Variants in ROBO2 observed in about 807,000 individuals in gnomAD.
The protein encoded by ROBO2 is roundabout homolog 2.
A neutral mutation model predicts 160.8 loss-of-function variants in ROBO2; 53 were observed. The ratio of observed to expected loss-of-function variants is 0.33; its 90% CI spans 0.26 to 0.41. ROBO2 has a LOEUF of 0.41. ROBO2 is among the 10% of genes least tolerant of loss of function. ROBO2 has a pLI of 1.00. For missense variants in ROBO2, 1,577 were observed against 1,722.4 expected (o/e 0.92, Z 1.49); for synonymous variants, 664 against 611.7 (o/e 1.09, Z -1.26).
intron 2 of ROBO2, among the ~76,000 whole-genome samples, chr3:76,917,131 G>A (rs1197877332): frequency 2.0e-5 from 3 of 152,312 alleles, no homozygotes; most frequent in South Asian, 4.1e-4. Context: ...GTACCCGGAG[G>A]GGAGAATGCT....
intron 2 of ROBO2, among the ~76,000 whole-genome samples, chr3:76,643,693 T>C (rs1435713527): frequency 6.6e-6 from 1 of 152,164 alleles, no homozygotes; most frequent in Admixed American, 6.5e-5. Context: ...AAATACACTA[T>C]AGGAAAATGC....
At chr3:76,522,722 A>G (rs749995636) in intron 2 of ROBO2, among the ~76,000 whole-genome samples, 15 of 151,932 alleles carry the variant, frequency 9.9e-5, no homozygotes, top group Non-Finnish European at 1.5e-4. Context: ...TCCTACATTC[A>G]CTATACTACT....
At chr3:76,872,578 T>C (rs1278016362) in intron 2 of ROBO2, among the ~76,000 whole-genome samples, 3 of 152,042 alleles carry the variant, frequency 2.0e-5, no homozygotes, top group Non-Finnish European at 4.4e-5. Flanking sequence ...TATAGAATTG[T>C]AGACTTATTT....
rs377451879 is a variant in ROBO2, at chr3:77,293,234, A to C, written c.389-184180A>C. On this transcript the variant is annotated intron_variant, in intron 2 of 25. Transcript: ENST00000461745. ...GGGTAAGCTGAGGCTAGATCACCCC[A>C]GACATAAAGTAAAATTGACGGTTAT... Among the ~76,000 whole-genome samples, 6 of 151,876 alleles carry C rather than the reference A, an allele frequency of 4.0e-5. No homozygotes were observed. In the East Asian group the frequency reaches 5.9e-4, roughly 15 times the overall value.
intron 2 of ROBO2, among the ~76,000 whole-genome samples, chr3:77,276,866 G>C (rs544065320): frequency 6.6e-6 from 1 of 152,308 alleles, no homozygotes; most frequent in East Asian, 1.9e-4. Flanking sequence ...TGGCAGGCAA[G>C]AGATCTTGTG....
chr3:76,396,018 A>G (rs1029595479), intron 2 of ROBO2, among the ~76,000 whole-genome samples: 14 of 152,114 alleles, frequency 9.2e-5, no homozygotes, highest in Non-Finnish European at 1.9e-4. Context: ...AGACACAACT[A>G]AAAAAGAGAA....
At chr3:76,595,075 C>A (rs1305402864) in intron 2 of ROBO2, among the ~76,000 whole-genome samples, 1 of 151,822 alleles carries the variant, frequency 6.6e-6, no homozygotes, top group Non-Finnish European at 1.5e-5. Context: ...GAGAAAACAG[C>A]CCTTTTGCAA....
At chr3:76,652,687 G>C (rs1377980160) in intron 2 of ROBO2, among the ~76,000 whole-genome samples, 1 of 151,864 alleles carries the variant, frequency 6.6e-6, no homozygotes, top group African/African-American at 2.4e-5. Flanking sequence ...CATTGAAACA[G>C]AGTAATGAAA....
intron 2 of ROBO2, among the ~76,000 whole-genome samples, chr3:76,166,227 C>T (rs2072832099): frequency 2.6e-5 from 4 of 152,186 alleles, no homozygotes; most frequent in African/African-American, 7.2e-5. Context: ...CATACCTGTA[C>T]ATATTTTTGG....
At chr3:77,056,482 G>A (rs1006431242) in intron 1 of ROBO2, among the ~76,000 whole-genome samples, 8 of 152,052 alleles carry the variant, frequency 5.3e-5, no homozygotes, top group Admixed American at 1.3e-4. Context: ...AGAAGACACC[G>A]TACTGTATAA....
At chr3:76,961,207 G>A (rs904521907) in intron 2 of ROBO2, among the ~76,000 whole-genome samples, 3 of 124,156 alleles carry the variant, frequency 2.4e-5, no homozygotes, top group East Asian at 5.5e-4. Context: ...TCCATGGATA[G>A]TTCAGATCAT....
At chr3:77,423,780 A>T (rs1296034757) in intron 2 of ROBO2, among the ~76,000 whole-genome samples, 1 of 152,140 alleles carries the variant, frequency 6.6e-6, no homozygotes, top group Non-Finnish European at 1.5e-5. Context: ...ATAAACCCCT[A>T]ACTCCACCCT....
intron 1 of ROBO2, among the ~76,000 whole-genome samples, chr3:75,917,203 G>A (rs1946849312): frequency 2.0e-5 from 3 of 151,866 alleles, no homozygotes; most frequent in Admixed American, 6.6e-5. Flanking sequence ...CCCACCCACC[G>A]ACAGGCCCCA....
At chr3:76,981,981 A>C (rs961271665) in intron 2 of ROBO2, among the ~76,000 whole-genome samples, 1 of 152,180 alleles carries the variant, frequency 6.6e-6, no homozygotes. Flanking sequence ...ACCAGGTGCC[A>C]TCTCCAGCAT....
chr3:76,886,349 C>T (rs2073885984), intron 2 of ROBO2, among the ~76,000 whole-genome samples: 1 of 151,466 alleles, frequency 6.6e-6, no homozygotes, highest in African/African-American at 2.4e-5. Context: ...AAAACTGTTT[C>T]TATGGAGATT....
At chr3:76,825,834 C>A (rs1021431398) in intron 2 of ROBO2, among the ~76,000 whole-genome samples, 4 of 151,892 alleles carry the variant, frequency 2.6e-5, no homozygotes, top group African/African-American at 9.7e-5. Flanking sequence ...CCTCCCTTAA[C>A]GTAACAGATT....
intron 2 of ROBO2, among the ~76,000 whole-genome samples, chr3:77,172,642 T>C (rs2079752805): frequency 6.6e-6 from 1 of 152,170 alleles, no homozygotes; most frequent in African/African-American, 2.4e-5. Flanking sequence ...AGTAGTGTGA[T>C]TTTGGTAGTG....
chr3:76,560,763 T>C (rs1198014878), intron 2 of ROBO2, among the ~76,000 whole-genome samples: 7 of 150,820 alleles, frequency 4.6e-5, no homozygotes, highest in Non-Finnish European at 1.0e-4. Context: ...CACAATCAGC[T>C]TATTAACATT....
Position 77,568,381 on chromosome 3 carries a change from C to T in ROBO2, c.1918C>T (p.Arg640Cys), listed in dbSNP as rs763833545. The T allele has an allele frequency of 1.7e-5, 28 of 1,612,858 alleles. No individual in the cohort carries two copies. The highest frequency in any genetic ancestry group is 1.6e-4 in the Middle Eastern group (1 of 6,078). The change falls in exon 13 of 26, where the codon CGT (arginine) becomes TGT (cysteine). Residue 640 changes from arginine to cysteine, a missense_variant. Physicochemically the swap from Arg to Cys is radical, Grantham distance 180. Transcript: ENST00000461745. ...GAAAGAGCTAGGAGATGTCCTTGTC[C>T]GTCTTCATAATCCAGTTGTGCTGAC...
Sources: allele counts gnomAD v4.1 joint callset (sites outside exome capture counted in the v4.1 genomes callset), GRCh38; gene constraint gnomAD v4.1.1; transcripts MANE v1.5; gene names NCBI Gene and HGNC (gene_info 2026-07-23, HGNC 2026-07-21).